Variants in SCN1A observed in about 807,000 individuals in gnomAD.
SCN1A encodes sodium voltage-gated channel alpha subunit 1, also known as sodium channel protein type 1 subunit alpha.
In SCN1A, 13 loss-of-function variants were observed where a neutral mutation model predicts 193.7. The ratio of observed to expected loss-of-function variants is 0.07; its 90% CI spans 0.04 to 0.11. SCN1A has a LOEUF of 0.11. Ranked by LOEUF, SCN1A falls within the 10% of genes least tolerant of loss-of-function variation. The pLI is 1.00. For missense variants in SCN1A, 1,432 were observed against 2,451.1 expected, an observed-to-expected ratio of 0.58 and a Z score of 8.78; for synonymous variants, 781 against 843.6, an observed-to-expected ratio of 0.93 and a Z score of 1.29.
chr2:166,059,317 T>C (rs1683032638), intron 4 of SCN1A: 1 of 152,184 alleles, frequency 6.6e-6, no homozygotes. Context: ...AGTGCTAAAT[T>C]CTGTACTGGG....
rs1330624390 is a variant in SCN1A, at chr2:166,093,496, G to A, written c.-141-15695C>T. Among the ~76,000 whole-genome samples, 3 of 151,896 alleles carry A rather than the reference G, an allele frequency of 2.0e-5. 1 individual carries two copies. The highest frequency in any genetic ancestry group is 4.2e-4 in the South Asian group (2 of 4,810). On this transcript the variant is annotated intron_variant, in intron 2 of 28. Transcript: ENST00000674923. ...TGGGACTACAGTTGCCTGCCACCAC[G>A]CCCAGCTAATTTTTTTATTTTTATT...
At chr2:166,135,497 G>T (rs79712933) in intron 1 of SCN1A, among the ~76,000 whole-genome samples, 26 of 152,246 alleles carry the variant, frequency 1.7e-4, no homozygotes, top group African/African-American at 5.5e-4. Flanking sequence ...TACAAGTGTC[G>T]CTAGAATTAG....
rs368381487 is a variant in SCN1A, at chr2:166,056,503, A to G, written c.384-3T>C. On this transcript the variant is annotated splice_region_variant and splice_polypyrimidine_tract_variant and intron_variant, in intron 5 of 28. Coordinates refer to ENST00000674923, the MANE Select transcript of SCN1A (RefSeq NM_001165963.4). ...ACATAATTAGCATGCTGAATAATGT[A>G]GGTTATTGTTAAGGAACACACAAAA... 18 of 1,575,158 alleles carry G rather than the reference A, an allele frequency of 1.1e-5. No individual in the cohort carries two copies. Among genetic ancestry groups the G allele is most frequent in the Admixed American group, 1.7e-5 (1 of 59,896 alleles).
At chr2:166,002,447 T>C (rs1691022023) in intron 24 of SCN1A, 25 bp downstream of exon 24, 2 of 1,598,198 alleles carry the variant, frequency 1.3e-6, no homozygotes, top group African/African-American at 2.7e-5. Flanking sequence ...AATAAAAATA[T>C]TCAGAGAAAA....
At chr2:165,996,148 A>G (rs769871055) in intron 26 of SCN1A, 31 bp from the exon 27 acceptor site, 16 of 1,366,126 alleles carry the variant, frequency 1.2e-5, no homozygotes, top group Non-Finnish European at 1.7e-5. Context: ...ACTGGTTAAA[A>G]CTGTGTCCTT....
At position 166,067,471 on chromosome 2, in the gene SCN1A, C is replaced by CTTTT. The variant is rs5836078; in HGVS notation, c.264+5883_264+5886dup. On this transcript the variant is annotated intron_variant, in intron 4 of 28. Coordinates refer to ENST00000674923, the MANE Select transcript of SCN1A (RefSeq NM_001165963.4). ...TATTTAGATTCCATCACTGACTTCTCTTTTTTTTTTTTCCACTGCTGTGAT... is the reference window on the plus strand; with the variant it reads ...TATTTAGATTCCATCACTGACTTCTCTTTTTTTTTTTTTTTTCCACTGCTGTGAT... 5.5e-3 allele frequency among the ~76,000 whole-genome samples: 807 copies of CTTTT among 145,944 alleles called. 14 individuals are homozygous for CTTTT. The highest frequency in any genetic ancestry group is 0.017 in the African/African-American group (674 of 39,944).
intron 2 of SCN1A, among the ~76,000 whole-genome samples, chr2:166,078,459 ATTGATAG>A (rs1432723533): frequency 6.7e-6 from 1 of 150,330 alleles, no homozygotes; most frequent in East Asian, 1.9e-4. Flanking sequence ...GGTGCGAGAT[ATTGATAG>A]TTGGGGGAGG....
At chr2:166,085,442 G>T (rs1381971943) in intron 2 of SCN1A, among the ~76,000 whole-genome samples, 1 of 152,004 alleles carries the variant, frequency 6.6e-6, no homozygotes, top group Non-Finnish European at 1.5e-5. Flanking sequence ...TGCTCAGAGG[G>T]GTTTCTCTTT....
At chr2:166,006,304 T>TATAG (rs532199513) in intron 23 of SCN1A, among the ~76,000 whole-genome samples, 29 of 151,440 alleles carry the variant, frequency 1.9e-4, no homozygotes, top group African/African-American at 6.7e-4. Context: ...TAAGCTATGA[T>TATAG]ATATTGGTGA....
intron 1 of SCN1A, among the ~76,000 whole-genome samples, chr2:166,146,792 A>G (rs1250412158): frequency 6.6e-6 from 1 of 152,230 alleles, no homozygotes; most frequent in Non-Finnish European, 1.5e-5. Flanking sequence ...TCTAAGAGCT[A>G]AAGTTCTAAA....
In SCN1A at chr2:165,989,025, CCT is replaced by C. The variant is rs1328953733; in HGVS notation, c.*2218_*2219del. The C allele has an allele frequency of 5.2e-5, 5 of 95,924 alleles. No individual in the cohort carries two copies. The East Asian group carries it at 1.5e-3, about 29-fold the overall frequency. 5.9% of individuals were successfully genotyped at this position (95,924 alleles called of 1,614,324 possible). On this transcript the variant is annotated 3_prime_UTR_variant, in exon 29 of 29. Coordinates refer to ENST00000674923, the MANE Select transcript of SCN1A (RefSeq NM_001165963.4). ...AGGTTTTGTTGTCAACGTGGGTATG[CCT>C]CTGTGTGTGTGTGTGTGTGTGTGTG...
At chr2:166,131,123 C>T (rs1574636065), upstream of SCN1A, among the ~76,000 whole-genome samples, 2 of 152,030 alleles carry the variant, frequency 1.3e-5, no homozygotes, top group South Asian at 2.1e-4. Context: ...CTCACTGTTA[C>T]GTTTCCAACT....
chr2:166,121,636 A>G (rs1407064384), intron 2 of SCN1A, among the ~76,000 whole-genome samples: 1 of 152,216 alleles, frequency 6.6e-6, no homozygotes. Context: ...ACTCATTATT[A>G]TCCAGTAGGA....
At chr2:166,142,618 G>T (rs972576607) in intron 1 of SCN1A, among the ~76,000 whole-genome samples, 5 of 152,146 alleles carry the variant, frequency 3.3e-5, no homozygotes, top group Admixed American at 2.6e-4. Flanking sequence ...CATATGGAAG[G>T]TTGACACCTG....
At chr2:166,043,506 TTTTAAG>T (rs1424113633) in intron 14 of SCN1A, among the ~76,000 whole-genome samples, 157 bp downstream of exon 14, 7 of 152,092 alleles carry the variant, frequency 4.6e-5, no homozygotes, top group African/African-American at 1.7e-4. Flanking sequence ...ACTGCTAAGG[TTTTAAG>T]TTTTAGTTGG....
chr2:166,043,601 C>A, intron 14 of SCN1A, 68 bp downstream of exon 14: 1 of 1,521,262 alleles, frequency 6.6e-7, no homozygotes, highest in South Asian at 1.3e-5. Flanking sequence ...GGTTGCCGTT[C>A]TGTAGAAACA....
chr2:166,066,995 T>A (rs1319699682), intron 4 of SCN1A, among the ~76,000 whole-genome samples: 1 of 152,160 alleles, frequency 6.6e-6, no homozygotes, highest in African/African-American at 2.4e-5. Context: ...ATTATATGTC[T>A]TATTCTATGC....
At chr2:166,132,345 T>A (rs935932626), upstream of SCN1A, among the ~76,000 whole-genome samples, 2 of 150,216 alleles carry the variant, frequency 1.3e-5, no homozygotes, top group African/African-American at 4.9e-5. Flanking sequence ...ACTACTTAAG[T>A]ACTTTGCTTT....
intron 2 of SCN1A, among the ~76,000 whole-genome samples, chr2:166,098,823 A>T (rs916618085): frequency 6.6e-6 from 1 of 152,208 alleles, no homozygotes; most frequent in Admixed American, 6.5e-5. Context: ...AGATCTCTAC[A>T]ACAAGAATTA....
Sources: gnomAD v4.1 joint callset for allele counts (sites outside exome capture counted in the v4.1 genomes callset) on GRCh38, gnomAD v4.1.1 for gene constraint, MANE v1.5 for transcripts, NCBI Gene and HGNC (gene_info 2026-07-23, HGNC 2026-07-21) for gene names.